Variants in RCAN2 observed in about 807,000 individuals in gnomAD.
RCAN2 encodes calcipressin-2.
A neutral mutation model predicts 23.6 loss-of-function variants in RCAN2; 9 were observed. That is an observed-to-expected ratio of 0.38 (90% CI 0.23 to 0.67). The LOEUF is 0.67. Among genes scored for constraint, RCAN2 ranks in the 30% least tolerant of loss-of-function variants. RCAN2 has a pLI of 0.51. For missense variants in RCAN2, 273 were observed against 302.3 expected, an observed-to-expected ratio of 0.90 and a Z score of 0.72; for synonymous variants, 109 against 115.7, an observed-to-expected ratio of 0.94 and a Z score of 0.37.
At chr6:46,291,892 T>A (rs1431582040) in intron 2 of RCAN2, among the ~76,000 whole-genome samples, 1 of 152,108 alleles carries the variant, frequency 6.6e-6, no homozygotes, top group Non-Finnish European at 1.5e-5. Flanking sequence ...AGGTGGTAAA[T>A]GATGTTTTAA....
At chr6:46,466,384 G>A (rs766967719) in intron 1 of RCAN2, among the ~76,000 whole-genome samples, 35 of 152,266 alleles carry the variant, frequency 2.3e-4, no homozygotes, top group Admixed American at 5.9e-4. Context: ...AGAAGGGTCT[G>A]ACTTATTTAG....
intron 2 of RCAN2, among the ~76,000 whole-genome samples, chr6:46,431,735 A>G (rs969510573): frequency 1.3e-5 from 2 of 152,240 alleles, no homozygotes; most frequent in Non-Finnish European, 2.9e-5. Flanking sequence ...TCAAAAGTTA[A>G]AGTTAGAAAG....
intron 2 of RCAN2, among the ~76,000 whole-genome samples, chr6:46,387,887 A>T (rs1404915722): frequency 5.9e-5 from 9 of 152,202 alleles, no homozygotes; most frequent in Non-Finnish European, 1.0e-4. Context: ...GATTAAGAAA[A>T]TGTGGCACAT....
chr6:46,309,572 G>A (rs1183293361), intron 2 of RCAN2, among the ~76,000 whole-genome samples: 2 of 152,092 alleles, frequency 1.3e-5, no homozygotes, highest in Non-Finnish European at 1.5e-5. Context: ...CAATGCTTAG[G>A]TTGGTGCTCA....
intron 2 of RCAN2, among the ~76,000 whole-genome samples, chr6:46,391,821 G>T (rs1244792888): frequency 6.6e-6 from 1 of 152,306 alleles, no homozygotes; most frequent in Non-Finnish European, 1.5e-5. Context: ...GTGTGTTTGT[G>T]TTTACCTGAG....
chr6:46,455,772 C>T (rs1227620328), intron 2 of RCAN2, among the ~76,000 whole-genome samples: 3 of 150,558 alleles, frequency 2.0e-5, no homozygotes, highest in Non-Finnish European at 2.9e-5. Flanking sequence ...AGGAGAATGG[C>T]GTGAACCCAA....
At chr6:46,461,020 T>G (rs543603683) in intron 1 of RCAN2, among the ~76,000 whole-genome samples, 2 of 152,032 alleles carry the variant, frequency 1.3e-5, no homozygotes, top group Non-Finnish European at 2.9e-5. Context: ...CTGTGGAAAA[T>G]AGCAAAAATA....
At chr6:46,257,855 CT>C (rs1766970224) in intron 2 of RCAN2, among the ~76,000 whole-genome samples, 1 of 152,184 alleles carries the variant, frequency 6.6e-6, no homozygotes, top group African/African-American at 2.4e-5. Flanking sequence ...GTTATTTATA[CT>C]GCATAAATAT....
intron 2 of RCAN2, among the ~76,000 whole-genome samples, chr6:46,392,295 A>G (rs1247564080): frequency 6.6e-6 from 1 of 152,188 alleles, no homozygotes; most frequent in East Asian, 1.9e-4. Context: ...AAGTCTTGGT[A>G]TGGAAAAAGA....
At chr6:46,413,242 C>A (rs1216993849) in intron 2 of RCAN2, among the ~76,000 whole-genome samples, 3 of 152,114 alleles carry the variant, frequency 2.0e-5, no homozygotes, top group Non-Finnish European at 4.4e-5. Flanking sequence ...ATGAAAGGTT[C>A]TCAGAGACAG....
intron 2 of RCAN2, among the ~76,000 whole-genome samples, chr6:46,444,682 T>C (rs1427959909): frequency 1.3e-5 from 2 of 152,156 alleles, no homozygotes; most frequent in African/African-American, 2.4e-5. Context: ...TCACTTTCCA[T>C]GCCAGTCCTG....
chr6:46,468,711 A>C, intron 1 of RCAN2: 23 of 582,258 alleles, frequency 4.0e-5, no homozygotes, highest in Admixed American at 6.3e-5. Flanking sequence ...GACAAATGGA[A>C]TGTAATACCC....
intron 2 of RCAN2, among the ~76,000 whole-genome samples, chr6:46,394,453 T>C (rs1474365461): frequency 6.6e-6 from 1 of 152,190 alleles, no homozygotes; most frequent in South Asian, 2.1e-4. Flanking sequence ...AATAAAAGCA[T>C]AGAATGCTGT....
chr6:46,275,718 G>A (rs1561838711), intron 2 of RCAN2, among the ~76,000 whole-genome samples: 1 of 152,196 alleles, frequency 6.6e-6, no homozygotes, highest in Non-Finnish European at 1.5e-5. Context: ...TTGAGACACA[G>A]GCTCTTCTCC....
intron 2 of RCAN2, among the ~76,000 whole-genome samples, chr6:46,293,836 A>C (rs1465333762): frequency 6.6e-6 from 1 of 152,246 alleles, no homozygotes; most frequent in Non-Finnish European, 1.5e-5. Flanking sequence ...TGATTTTGAA[A>C]GTGAGCAGGA....
intron 2 of RCAN2, among the ~76,000 whole-genome samples, chr6:46,337,437 T>G (rs1234879585): frequency 6.6e-6 from 1 of 152,214 alleles, no homozygotes; most frequent in Non-Finnish European, 1.5e-5. Context: ...AGACTTTAGT[T>G]TGAGGTGTAA....
At chr6:46,274,490 C>G (rs921603511) in intron 2 of RCAN2, among the ~76,000 whole-genome samples, 1 of 152,102 alleles carries the variant, frequency 6.6e-6, no homozygotes, top group Non-Finnish European at 1.5e-5. Flanking sequence ...GAGAAGGGAG[C>G]AATAAGGTTG....
chr6:46,311,746 C>T (rs531991283), intron 2 of RCAN2, among the ~76,000 whole-genome samples: 162 of 152,258 alleles, frequency 1.1e-3, no homozygotes, highest in African/African-American at 3.6e-3. Context: ...TTATTAACTC[C>T]CTCTGGATTG....
intron 2 of RCAN2, among the ~76,000 whole-genome samples, chr6:46,269,716 G>T (rs962664764): frequency 6.6e-6 from 1 of 152,192 alleles, no homozygotes; most frequent in African/African-American, 2.4e-5. Flanking sequence ...GTGTACAGGA[G>T]CTTCATTTAG....
Sources: allele counts gnomAD v4.1 joint callset (sites outside exome capture counted in the v4.1 genomes callset), GRCh38; gene constraint gnomAD v4.1.1; transcripts MANE v1.5; gene names NCBI Gene and HGNC (gene_info 2026-07-23, HGNC 2026-07-21).